SDHAF4: variants seen among roughly 807,000 people sequenced by gnomAD.
SDHAF4 encodes succinate dehydrogenase complex assembly factor 4.
In SDHAF4, 14 loss-of-function variants were observed where a neutral mutation model predicts 14.3. The observed-to-expected ratio is 0.98, with a 90% CI of 0.65 to 1.53. SDHAF4 has a LOEUF of 1.53. Ranked by LOEUF, SDHAF4 falls within the 40% of genes most tolerant of loss-of-function variation. SDHAF4 has a pLI of 0.00. For synonymous variants in SDHAF4, 63 were observed against 47.3 expected (o/e 1.33, Z -1.36); for missense variants, 141 against 129.3 (o/e 1.09, Z -0.44).
rs935635414 is a variant in SDHAF4, at chr6:70,573,668, C to A, written c.65-5746C>A. ...TTTTCTTTTTCTTTTCTTTTCTTTT[C>A]TTTTTTTTATTTTTTTTTTATTTTT... is the stretch of plus-strand genomic sequence containing the variant. On this transcript the variant is annotated intron_variant, in intron 1 of 2. Transcript: ENST00000370474. 4.7e-5 allele frequency among the ~76,000 whole-genome samples: 7 copies of A among 149,020 alleles called. No homozygotes were observed. In the South Asian group the frequency reaches 8.5e-4, roughly 18 times the overall value.
chr6:70,595,705 G>C, the SDHAF4 span, among the ~76,000 whole-genome samples: 13 of 151,944 alleles, frequency 8.6e-5, no homozygotes, highest in Admixed American at 7.9e-4. Context: ...GCGCGGTGGC[G>C]CACGCCCGTA....
downstream of SDHAF4, among the ~76,000 whole-genome samples, chr6:70,591,392 C>G (rs566547218): frequency 7.8e-6 from 1 of 127,446 alleles, no homozygotes; most frequent in African/African-American, 3.1e-5. Context: ...ACTACAGTGG[C>G]ACAATCTCCA....
chr6:70,582,066 A>T (rs1765137993), intron 2 of SDHAF4, among the ~76,000 whole-genome samples: 1 of 151,756 alleles, frequency 6.6e-6, no homozygotes, highest in Non-Finnish European at 1.5e-5. Context: ...TTTCCCTAAA[A>T]TGATTAGATT....
the SDHAF4 span, among the ~76,000 whole-genome samples, chr6:70,597,974 A>G: frequency 1.3e-5 from 2 of 152,240 alleles, no homozygotes; most frequent in Non-Finnish European, 2.9e-5. Context: ...AGATTATCGA[A>G]CTAACAATGA....
chr6:70,592,045 G>A (rs1272087850), downstream of SDHAF4, among the ~76,000 whole-genome samples: 5 of 152,372 alleles, frequency 3.3e-5, 1 homozygote, highest in Middle Eastern at 6.8e-3. Flanking sequence ...GATGCCCTGC[G>A]CTGCCTCAGG....
chr6:70,588,335 C>T (rs1210524368), intron 2 of SDHAF4, among the ~76,000 whole-genome samples: 1 of 152,166 alleles, frequency 6.6e-6, no homozygotes. Context: ...TCCTGGCCAA[C>T]ATGGTGAAAC....
chr6:70,583,939 T>G (rs1393522628), intron 2 of SDHAF4, among the ~76,000 whole-genome samples: 1 of 152,252 alleles, frequency 6.6e-6, no homozygotes, highest in Non-Finnish European at 1.5e-5. Flanking sequence ...GGATAGAGGT[T>G]GTTTTAATTA....
At chr6:70,567,129 A>C in intron 1 of SDHAF4, 125 bp downstream of exon 1, 1 of 943,258 alleles carries the variant, frequency 1.1e-6, no homozygotes, top group Non-Finnish European at 1.6e-6. Flanking sequence ...GGGGCTGCCC[A>C]GCTTCTCCCG....
In SDHAF4 at chr6:70,588,718, T is replaced by C; in HGVS notation, c.321T>C (p.Asp107=). 6.3e-7 allele frequency: 1 copy of C among 1,592,236 alleles called. No individual in the cohort carries two copies. The highest frequency in any genetic ancestry group is 8.6e-7 in the Non-Finnish European group (1 of 1,164,252). The change falls in exon 3 of 3, where the codon GAT becomes GAC. Residue 107 remains aspartate (D), a synonymous_variant. Coordinates refer to ENST00000370474, the MANE Select transcript of SDHAF4 (RefSeq NM_145267.3). ...GGGAACGAAAAGGACGCTGTATTGA[T>C]TTTTAAGTCGCATATTCTTTAACTT... ...GDWERKGRCI[D]F
intron 2 of SDHAF4, among the ~76,000 whole-genome samples, chr6:70,584,278 G>A (rs1342275771): frequency 6.6e-6 from 1 of 152,138 alleles, no homozygotes; most frequent in Non-Finnish European, 1.5e-5. Flanking sequence ...GCCTCCCACA[G>A]TGCTGGGGTT....
chr6:70,586,170 T>G (rs1765197114), intron 2 of SDHAF4, among the ~76,000 whole-genome samples: 1 of 152,154 alleles, frequency 6.6e-6, no homozygotes, highest in Non-Finnish European at 1.5e-5. Context: ...TCTAGTTGCC[T>G]TTTGGTCTGT....
chr6:70,577,340 G>T (rs2128534721), intron 1 of SDHAF4, among the ~76,000 whole-genome samples: 1 of 151,976 alleles, frequency 6.6e-6, no homozygotes, highest in Admixed American at 6.6e-5. Context: ...GGTGTAGCTA[G>T]AACTTGTACT....
At chr6:70,586,352 C>T (rs1765201578) in intron 2 of SDHAF4, among the ~76,000 whole-genome samples, 1 of 151,504 alleles carries the variant, frequency 6.6e-6, no homozygotes, top group African/African-American at 2.4e-5. Flanking sequence ...TGAGAAGAAA[C>T]TGAGATGATA....
intron 2 of SDHAF4, among the ~76,000 whole-genome samples, chr6:70,581,683 C>G (rs1342171375): frequency 6.6e-6 from 1 of 152,022 alleles, no homozygotes; most frequent in Non-Finnish European, 1.5e-5. Flanking sequence ...ACATGGCTCA[C>G]TGCAGCCTTA....
intron 2 of SDHAF4, among the ~76,000 whole-genome samples, chr6:70,584,964 G>A (rs999877356): frequency 2.0e-5 from 3 of 152,182 alleles, no homozygotes; most frequent in African/African-American, 7.2e-5. Context: ...TAAGACTAGA[G>A]AAAAGCACTG....
chr6:70,577,726 A>G (rs1802274938), intron 1 of SDHAF4, among the ~76,000 whole-genome samples: 1 of 152,192 alleles, frequency 6.6e-6, no homozygotes, highest in Admixed American at 6.5e-5. Flanking sequence ...CCTCCCTGAC[A>G]GTCGTACCCA....
At chr6:70,583,971 AT>A (rs1375628177) in intron 2 of SDHAF4, among the ~76,000 whole-genome samples, 3 of 152,202 alleles carry the variant, frequency 2.0e-5, no homozygotes, top group Non-Finnish European at 4.4e-5. Context: ...TATAGTCTGC[AT>A]ATGATAAAAT....
chr6:70,566,956 C>T lies in SDHAF4; in HGVS notation c.16C>T (p.Leu6Phe). Reference sequence around the variant, plus strand: ...AGTCGGCGCCATGACCCCATCGAGGCTTCCCTGGTTGCTTAGCTGGGTCTC... The same window carrying T: ...AGTCGGCGCCATGACCCCATCGAGGTTTCCCTGGTTGCTTAGCTGGGTCTC... Reference protein sequence around the residue: MTPSRLPWLLSWVSAT... With the variant: MTPSRFPWLLSWVSAT... The change falls in exon 1 of 3, where the codon CTT becomes TTT. Residue 6 changes from leucine (L) to phenylalanine (F), a missense_variant. Coordinates refer to ENST00000370474, the MANE Select transcript of SDHAF4 (RefSeq NM_145267.3). The T allele has an allele frequency of 3.1e-6, 5 of 1,590,102 alleles. No individual in the cohort carries two copies. The highest frequency in any genetic ancestry group is 1.1e-5 in the South Asian group (1 of 87,104).
At chr6:70,590,578 TCA>T (rs1244373685), downstream of SDHAF4, among the ~76,000 whole-genome samples, 1 of 152,214 alleles carries the variant, frequency 6.6e-6, no homozygotes, top group East Asian at 1.9e-4. Context: ...CCAACTTGAC[TCA>T]CACCCTGGTT....
Sources: gnomAD v4.1 joint callset for allele counts (sites outside exome capture counted in the v4.1 genomes callset) on GRCh38, gnomAD v4.1.1 for gene constraint, MANE v1.5 for transcripts, NCBI Gene and HGNC (gene_info 2026-07-23, HGNC 2026-07-21) for gene names.